Variants in FARS2 observed in about 807,000 individuals in gnomAD.
FARS2 encodes the protein phenylalanine--tRNA ligase, mitochondrial.
FARS2 carries 40 observed loss-of-function variants against 46.4 expected under a neutral mutation model. That is an observed-to-expected ratio of 0.86 (90% CI 0.67 to 1.12). The LOEUF is 1.12. FARS2 is among the 50% of genes most tolerant of loss of function. The probability of loss-of-function intolerance (pLI) is 0.00; values close to 1 mark genes in which losing one functional copy is unlikely to be tolerated. For missense variants in FARS2, 513 were observed against 567.9 expected (o/e 0.90, Z 0.98); for synonymous variants, 234 against 214.9 (o/e 1.09, Z -0.78).
chr6:5,567,018 G>C (rs1772360374), intron 5 of FARS2, among the ~76,000 whole-genome samples: 2 of 152,248 alleles, frequency 1.3e-5, no homozygotes, highest in Admixed American at 1.3e-4. Flanking sequence ...CCATGTCTGG[G>C]CGTAGGCCGA....
chr6:5,603,340 A>C (rs2150641936), intron 5 of FARS2, among the ~76,000 whole-genome samples: 1 of 152,292 alleles, frequency 6.6e-6, no homozygotes, highest in Middle Eastern at 3.4e-3. Context: ...ACAGCTTGTT[A>C]CTTACATAAA....
At chr6:5,606,802 C>T (rs2150653158) in intron 5 of FARS2, among the ~76,000 whole-genome samples, 1 of 152,288 alleles carries the variant, frequency 6.6e-6, no homozygotes, top group South Asian at 2.1e-4. Context: ...TGAAAACCCT[C>T]AAGCTTGGGC....
chr6:5,358,002 G>A (rs1758045366), intron 1 of FARS2, among the ~76,000 whole-genome samples: 1 of 152,118 alleles, frequency 6.6e-6, no homozygotes, highest in Admixed American at 6.5e-5. Context: ...TTGTGTAATT[G>A]CTGCACTACA....
intron 6 of FARS2, among the ~76,000 whole-genome samples, chr6:5,768,989 A>C (rs1450533577): frequency 6.6e-6 from 1 of 152,122 alleles, no homozygotes; most frequent in Non-Finnish European, 1.5e-5. Context: ...GATGAATTCC[A>C]AGTTTATCAT....
intron 6 of FARS2, among the ~76,000 whole-genome samples, chr6:5,648,170 G>A (rs1187959289): frequency 6.6e-6 from 1 of 152,218 alleles, no homozygotes; most frequent in Non-Finnish European, 1.5e-5. Flanking sequence ...TCCCTTCAGT[G>A]AAGTCACCTA....
chr6:5,769,561 G>A (rs1225996078), intron 6 of FARS2, among the ~76,000 whole-genome samples: 3 of 152,200 alleles, frequency 2.0e-5, no homozygotes, highest in Non-Finnish European at 4.4e-5. Flanking sequence ...CAGGAGTCAG[G>A]GTCCCCACCC....
At chr6:5,340,111 T>C (rs1024659570) in intron 1 of FARS2, among the ~76,000 whole-genome samples, 1 of 152,240 alleles carries the variant, frequency 6.6e-6, no homozygotes, top group African/African-American at 2.4e-5. Context: ...ATTAGGTGCC[T>C]TTCACATCTA....
At chr6:5,682,609 C>G (rs1779090003) in intron 6 of FARS2, among the ~76,000 whole-genome samples, 1 of 152,188 alleles carries the variant, frequency 6.6e-6, no homozygotes, top group Non-Finnish European at 1.5e-5. Context: ...GGGGCTTTTC[C>G]CCCTTGCCTT....
chr6:5,361,311 T>G (rs777367360), intron 1 of FARS2, among the ~76,000 whole-genome samples: 2 of 152,246 alleles, frequency 1.3e-5, no homozygotes, highest in Non-Finnish European at 2.9e-5. Context: ...ATTCCCTTGT[T>G]GTGGGACATT....
chr6:5,610,306 C>CT (rs111436766), intron 5 of FARS2: 26,730 of 290,130 alleles, frequency 0.092, 1,280 homozygotes, highest in East Asian at 0.26. Flanking sequence ...CTTTTCAATT[C>CT]TTTTTAAAAA....
intron 6 of FARS2, among the ~76,000 whole-genome samples, chr6:5,682,671 G>C (rs1779093301): frequency 6.6e-6 from 1 of 152,234 alleles, no homozygotes; most frequent in Admixed American, 6.5e-5. Context: ...CCTGCTGTCA[G>C]CCAGGTCCTG....
intron 4 of FARS2, among the ~76,000 whole-genome samples, chr6:5,520,220 A>G (rs1487113487): frequency 1.3e-5 from 2 of 152,060 alleles, no homozygotes; most frequent in Non-Finnish European, 2.9e-5. Context: ...TAAATTTAAT[A>G]ATGTTATTAT....
intron 5 of FARS2, among the ~76,000 whole-genome samples, chr6:5,582,328 G>A (rs533188717): frequency 5.1e-4 from 78 of 152,164 alleles, no homozygotes; most frequent in Non-Finnish European, 7.2e-4. Flanking sequence ...CATACTTCCG[G>A]TTTAGCAACA....
At chr6:5,594,663 C>T (rs916862370) in intron 5 of FARS2, among the ~76,000 whole-genome samples, 2 of 152,170 alleles carry the variant, frequency 1.3e-5, no homozygotes, top group Admixed American at 1.3e-4. Flanking sequence ...AAACTTAAAA[C>T]CTCAGTGGAG....
chr6:5,641,489 G>T (rs1268756674), intron 6 of FARS2, among the ~76,000 whole-genome samples: 1 of 152,088 alleles, frequency 6.6e-6, no homozygotes, highest in African/African-American at 2.4e-5. Flanking sequence ...TAGAGACAGG[G>T]TTTTGCCATG....
intron 2 of FARS2, among the ~76,000 whole-genome samples, chr6:5,371,460 A>C (rs1357147518): frequency 6.6e-6 from 1 of 152,200 alleles, no homozygotes; most frequent in Non-Finnish European, 1.5e-5. Flanking sequence ...ACAGAGGTGC[A>C]GGGTAAAAAA....
chr6:5,527,668 A>T (rs1024947537), intron 4 of FARS2, among the ~76,000 whole-genome samples: 2 of 152,230 alleles, frequency 1.3e-5, no homozygotes, highest in African/African-American at 4.8e-5. Context: ...TCAGATTTTT[A>T]AAGTCTTGCC....
intron 5 of FARS2, among the ~76,000 whole-genome samples, chr6:5,574,201 G>A (rs1455573805): frequency 1.3e-5 from 2 of 151,984 alleles, no homozygotes; most frequent in Non-Finnish European, 1.5e-5. Flanking sequence ...GTGCGATCTC[G>A]GCTCACTGCA....
At chr6:5,562,822 TA>T (rs1772079418) in intron 5 of FARS2, among the ~76,000 whole-genome samples, 1 of 150,538 alleles carries the variant, frequency 6.6e-6, no homozygotes. Context: ...TTTTTTTTTT[TA>T]AGATGGAGTT....
Sources: allele counts gnomAD v4.1 joint callset (sites outside exome capture counted in the v4.1 genomes callset), GRCh38; gene constraint gnomAD v4.1.1; transcripts MANE v1.5; gene names NCBI Gene and HGNC (gene_info 2026-07-23, HGNC 2026-07-21).